Variants in TOGARAM1 observed in about 807,000 individuals in gnomAD.
TOGARAM1 encodes TOG array regulator of axonemal microtubules 1.
A neutral mutation model predicts 166.6 loss-of-function variants in TOGARAM1; 100 were observed. That is an observed-to-expected ratio of 0.60 (90% CI 0.51 to 0.71). The LOEUF (loss-of-function observed/expected upper bound fraction) is 0.71, where lower values mean the gene tolerates loss of function less well. Among genes scored for constraint, TOGARAM1 ranks in the 30% least tolerant of loss-of-function variants. The pLI, the probability that TOGARAM1 is intolerant of heterozygous loss-of-function variation, is 0.00. For missense variants in TOGARAM1, 2,029 were observed against 2,102.7 expected (o/e 0.96, Z 0.69); for synonymous variants, 758 against 763.8 (o/e 0.99, Z 0.13).
chr14:44,991,611 G>T (rs1887140218), intron 1 of TOGARAM1, among the ~76,000 whole-genome samples: 1 of 152,094 alleles, frequency 6.6e-6, no homozygotes, highest in African/African-American at 2.4e-5. Context: ...GAAAAGTCGT[G>T]GCAAAGAAAA....
At position 44,962,658 on chromosome 14, in the gene TOGARAM1, A is replaced by C; in HGVS notation, c.237A>C (p.Ser79=). The stretch of plus-strand genomic sequence containing the variant: ...TCTTGATGCCCTCGGAGGCAGTCTC[A>C]AGCAGCTGGTCTGAGTCTGGAGGCG... ...SALLMPSEAV[S]SSWSESGGGL... is the part of the protein sequence containing the mutation. The change falls in exon 1 of 20, where the codon TCA becomes TCC. Residue 79 remains serine (S), a synonymous_variant. Transcript: ENST00000361462. 3.1e-6 allele frequency: 5 copies of C among 1,614,114 alleles called. No individual in the cohort carries two copies. The highest frequency in any genetic ancestry group is 4.2e-6 in the Non-Finnish European group (5 of 1,180,002).
intron 1 of TOGARAM1, among the ~76,000 whole-genome samples, chr14:44,967,598 A>G (rs998893205): frequency 6.6e-6 from 1 of 152,216 alleles, no homozygotes; most frequent in Non-Finnish European, 1.5e-5. Flanking sequence ...CTAAAGGAAT[A>G]GCGTGTTTAG....
At chr14:44,974,385 T>C (rs181092566) in intron 1 of TOGARAM1, among the ~76,000 whole-genome samples, 2 of 152,262 alleles carry the variant, frequency 1.3e-5, no homozygotes, top group Non-Finnish European at 2.9e-5. Context: ...TCATGACTTA[T>C]ATTATCCTTT....
intron 13 of TOGARAM1, among the ~76,000 whole-genome samples, chr14:45,045,559 ATATATATATATATATATATATATATGTG>A (rs1566660192): frequency 1.1e-4 from 5 of 43,566 alleles, no homozygotes; most frequent in South Asian, 7.4e-4. Flanking sequence ...ATATATATAT[ATATATATATATATATATATATATATGTG>A]TGTGTGTGTG....
intron 12 of TOGARAM1, 94 bp from the exon 13 acceptor site, chr14:45,044,540 CA>C (rs11393574): frequency 3.3e-4 from 219 of 663,220 alleles, no homozygotes; most frequent in Non-Finnish European, 4.0e-4. Context: ...GACCCTAACT[CA>C]AAAAAAAAAA....
chr14:45,058,658 A>T (rs866690568), intron 16 of TOGARAM1, among the ~76,000 whole-genome samples: 17 of 152,094 alleles, frequency 1.1e-4, no homozygotes, highest in African/African-American at 4.1e-4. Flanking sequence ...TGAGTTTTTT[A>T]TAAGCAGCAT....
intron 16 of TOGARAM1, among the ~76,000 whole-genome samples, chr14:45,056,942 T>TTTTATTTA (rs146332872): frequency 6.6e-6 from 1 of 151,738 alleles, no homozygotes; most frequent in African/African-American, 2.4e-5. Context: ...TAAGTTTTTG[T>TTTTATTTA]TTTATTTATT....
chr14:45,045,650 T>C (rs12894457), intron 13 of TOGARAM1, among the ~76,000 whole-genome samples: 15 of 115,844 alleles, frequency 1.3e-4, no homozygotes, highest in Non-Finnish European at 2.1e-4. Flanking sequence ...TATATATACA[T>C]ATATACACAC....
intron 1 of TOGARAM1, among the ~76,000 whole-genome samples, chr14:44,968,154 G>A (rs896739771): frequency 2.0e-5 from 3 of 152,168 alleles, no homozygotes; most frequent in Non-Finnish European, 4.4e-5. Flanking sequence ...AAAGGTCTTA[G>A]AAGAACTATT....
chr14:45,028,215 A>G lies in TOGARAM1; in HGVS notation c.3544A>G (p.Arg1182Gly). 6.3e-7 allele frequency: 1 copy of G among 1,592,470 alleles called. No homozygotes were observed. The highest frequency in any genetic ancestry group is 1.9e-5 in the Admixed American group (1 of 53,142). ...SISKSTYNKMRQKRKEEKELF... is the reference protein window; with the variant it reads ...SISKSTYNKMGQKRKEEKELF... ...TTCTAAATCTACTTATAACAAGATGAGACAAAAGAGAAAAGAAGAGAAAGA... is the reference window on the plus strand; with the variant it reads ...TTCTAAATCTACTTATAACAAGATGGGACAAAAGAGAAAAGAAGAGAAAGA... The change falls in exon 10 of 20, where the codon AGA becomes GGA. Residue 1182 changes from arginine (R) to glycine (G), a missense_variant. By Grantham distance (125) the Arg-to-Gly change is moderately radical. Around this residue, in one of 2 missense-constraint regions of TOGARAM1, gnomAD observed 1,453 missense variants for 1,432.2 expected, o/e 1.01. Coordinates refer to ENST00000361462, the MANE Select transcript of TOGARAM1 (RefSeq NM_001308120.2).
intron 14 of TOGARAM1, 59 bp from the exon 15 acceptor site, chr14:45,052,377 C>G: frequency 6.8e-7 from 1 of 1,480,424 alleles, no homozygotes; most frequent in Non-Finnish European, 9.3e-7. Flanking sequence ...CATCTAAGGT[C>G]AGCAACTGAG....
intron 7 of TOGARAM1, among the ~76,000 whole-genome samples, chr14:45,016,409 C>T (rs1007022244): frequency 6.6e-6 from 1 of 152,140 alleles, no homozygotes; most frequent in Non-Finnish European, 1.5e-5. Context: ...AAGCCGGGTG[C>T]AGTGGCTCAC....
intron 3 of TOGARAM1, among the ~76,000 whole-genome samples, chr14:45,002,785 G>T (rs544703747): frequency 2.9e-4 from 44 of 152,148 alleles, no homozygotes; most frequent in Non-Finnish European, 5.0e-4. Context: ...AGACCATCCT[G>T]GCTAACACGG....
intron 10 of TOGARAM1, among the ~76,000 whole-genome samples, chr14:45,028,750 G>T (rs1374494663): frequency 6.6e-6 from 1 of 152,084 alleles, no homozygotes; most frequent in Non-Finnish European, 1.5e-5. Context: ...ATGTTTCCTG[G>T]TGTTGTTTTT....
At chr14:44,974,261 A>C (rs934642244) in intron 1 of TOGARAM1, among the ~76,000 whole-genome samples, 1 of 151,904 alleles carries the variant, frequency 6.6e-6, no homozygotes, top group African/African-American at 2.4e-5. Flanking sequence ...GCTCAGAGAT[A>C]CTTTCCCCAG....
At chr14:45,057,869 G>A (rs530701067) in intron 16 of TOGARAM1, among the ~76,000 whole-genome samples, 1 of 152,298 alleles carries the variant, frequency 6.6e-6, no homozygotes, top group South Asian at 2.1e-4. Context: ...TATATGGTCT[G>A]TGTTGAAGAA....
At chr14:45,023,110 A>G (rs1880620956) in intron 7 of TOGARAM1, 1 of 152,192 alleles carries the variant, frequency 6.6e-6, no homozygotes, top group Non-Finnish European at 1.5e-5. Context: ...GTATTCCATT[A>G]TCACTGACCA....
intron 16 of TOGARAM1, among the ~76,000 whole-genome samples, chr14:45,058,595 G>A (rs1193745475): frequency 6.6e-6 from 1 of 152,048 alleles, no homozygotes; most frequent in East Asian, 1.9e-4. Flanking sequence ...GCCCAGCCTA[G>A]AATATCTTTT....
At chr14:45,018,145 A>G (rs1272501297) in intron 7 of TOGARAM1, among the ~76,000 whole-genome samples, 2 of 152,220 alleles carry the variant, frequency 1.3e-5, no homozygotes, top group Non-Finnish European at 2.9e-5. Context: ...AGATGCACCT[A>G]TAATCTAAAA....
Sources: allele counts gnomAD v4.1 joint callset (sites outside exome capture counted in the v4.1 genomes callset), GRCh38; gene constraint gnomAD v4.1.1; regional missense constraint gnomAD v4.1.1; transcripts MANE v1.5; gene names NCBI Gene and HGNC (gene_info 2026-07-23, HGNC 2026-07-21).